MTRR: variants seen among roughly 807,000 people sequenced by gnomAD.
MTRR encodes 5-methyltetrahydrofolate-homocysteine methyltransferase reductase, also known as methionine synthase reductase.
A neutral mutation model predicts 79.2 loss-of-function variants in MTRR; 63 were observed. The observed-to-expected ratio is 0.80, with a 90% CI of 0.65 to 0.98. The LOEUF (loss-of-function observed/expected upper bound fraction) is 0.98, where lower values mean the gene tolerates loss of function less well. Among genes scored for constraint, MTRR ranks in the 50% least tolerant of loss-of-function variants. MTRR has a pLI of 0.00. For missense variants in MTRR, 895 were observed against 839.6 expected, an observed-to-expected ratio of 1.07 and a Z score of -0.82; for synonymous variants, 355 against 313.3, an observed-to-expected ratio of 1.13 and a Z score of -1.41.
upstream of MTRR, among the ~76,000 whole-genome samples, chr5:7,865,268 T>C (rs1476439132): frequency 6.6e-6 from 1 of 152,094 alleles, no homozygotes; most frequent in Non-Finnish European, 1.5e-5. Flanking sequence ...TAAGCTGTTT[T>C]AAAAAAGGGG....
intron 2 of MTRR, among the ~76,000 whole-genome samples, chr5:7,871,683 A>G (rs977682371): frequency 5.3e-5 from 8 of 152,140 alleles, no homozygotes; most frequent in Non-Finnish European, 1.0e-4. Flanking sequence ...CCAGTTCAGA[A>G]CACTAGACTG....
chr5:7,869,106 A>C (rs886060803), upstream of MTRR: 4 of 1,612,870 alleles, frequency 2.5e-6, no homozygotes, highest in Non-Finnish European at 3.4e-6. Flanking sequence ...TCCCCTTCGG[A>C]GCTTTCTATT....
chr5:7,883,412 A>G lies in MTRR; in HGVS notation c.903+135A>G, dbSNP rs1579704974. Reference sequence around the variant, plus strand: ...GCTGAGTTGTGTGCGGCTTGGTTACATGTGCTGAGTTGTGTGGTGCTTGGT... The same window carrying G: ...GCTGAGTTGTGTGCGGCTTGGTTACGTGTGCTGAGTTGTGTGGTGCTTGGT... On this transcript the variant is annotated intron_variant, in intron 6 of 14. Transcript: ENST00000440940. 36 of 1,154,668 alleles carry G rather than the reference A, an allele frequency of 3.1e-5. 1 individual carries two copies. In the East Asian group the frequency reaches 9.1e-4, roughly 29 times the overall value. 71.5% of individuals were successfully genotyped at this position (1,154,668 alleles called of 1,614,324 possible).
chr5:7,878,792 A>C (rs1735018004), intron 5 of MTRR, among the ~76,000 whole-genome samples: 1 of 152,220 alleles, frequency 6.6e-6, no homozygotes, highest in Non-Finnish European at 1.5e-5. Context: ...TTCTCCCCAC[A>C]GGCAGTGTAT....
In MTRR at chr5:7,900,204, A is replaced by G; in HGVS notation, c.*146A>G. On this transcript the variant is annotated 3_prime_UTR_variant, in exon 15 of 15. Transcript: ENST00000440940. ...CATGGAGTGGAGATTGGATCATTTAACAATATAACAAAACTTCCTGATTTG... is the reference window on the plus strand; with the variant it reads ...CATGGAGTGGAGATTGGATCATTTAGCAATATAACAAAACTTCCTGATTTG... 4.5e-6 allele frequency: 4 copies of G among 887,582 alleles called. No individual in the cohort carries two copies. Among genetic ancestry groups the G allele is most frequent in the Non-Finnish European group, 6.8e-6 (4 of 586,096 alleles). 55.0% of individuals were successfully genotyped at this position (887,582 alleles called of 1,614,324 possible). A position where few individuals can be genotyped will look rare whatever the true frequency, so the allele number is the denominator to read the frequency against.
At chr5:7,884,365 T>G (rs975163035) in intron 6 of MTRR, among the ~76,000 whole-genome samples, 2 of 152,182 alleles carry the variant, frequency 1.3e-5, no homozygotes, top group Non-Finnish European at 2.9e-5. Context: ...CTCAAGTCCC[T>G]TATGTAAAAT....
At chr5:7,870,153 C>A in intron 1 of MTRR, 3 of 798,672 alleles carry the variant, frequency 3.8e-6, no homozygotes, top group Non-Finnish European at 3.0e-6. Flanking sequence ...TTATATGCAC[C>A]CGTTTGTATA....
chr5:7,865,110 T>C (rs541545186), upstream of MTRR, among the ~76,000 whole-genome samples: 1 of 152,160 alleles, frequency 6.6e-6, no homozygotes, highest in East Asian at 1.9e-4. Context: ...GATTAGTGAG[T>C]CTCATTCCTT....
intron 11 of MTRR, among the ~76,000 whole-genome samples, chr5:7,894,516 A>T (rs761992558): frequency 6.6e-6 from 1 of 152,240 alleles, no homozygotes; most frequent in Non-Finnish European, 1.5e-5. Context: ...CAGAACGTAG[A>T]AAGTGTGCTG....
At chr5:7,892,239 G>A (rs943284341) in intron 10 of MTRR, among the ~76,000 whole-genome samples, 1 of 152,098 alleles carries the variant, frequency 6.6e-6, no homozygotes, top group Admixed American at 6.6e-5. Context: ...ATTATTTACC[G>A]TGTAATGTGA....
chr5:7,899,336 A>T (rs1337702408), intron 14 of MTRR, among the ~76,000 whole-genome samples: 1 of 152,080 alleles, frequency 6.6e-6, no homozygotes, highest in Non-Finnish European at 1.5e-5. Context: ...ATATAAACAG[A>T]CGTTTCTAAC....
rs536956046 is a variant in MTRR, at chr5:7,855,838, GC to G, written n.391+4254del. Among the ~76,000 whole-genome samples the G allele has an allele frequency of 2.0e-3, 307 of 152,258 alleles. 1 individual carries two copies. The highest frequency in any genetic ancestry group is 1.8e-3 in the Non-Finnish European group (120 of 68,008). On this transcript the variant is annotated intron_variant and non_coding_transcript_variant, in intron 1 of 3. Coordinates refer to the MTRR transcript ENST00000502509. ...CTGTGGGAGTGGGAGGGAGATGTTT[GC>G]TTTTTCTGGGATGGGATTACAAGTA...
intron 1 of MTRR, chr5:7,859,627 G>A (rs1344879246): frequency 1.0e-5 from 8 of 778,178 alleles, no homozygotes; most frequent in Admixed American, 3.0e-5. Context: ...TTTCTTACAC[G>A]CTTCCCCACA....
chr5:7,866,723 G>A (rs1746980889), upstream of MTRR: 5 of 1,613,596 alleles, frequency 3.1e-6, no homozygotes, highest in Non-Finnish European at 4.2e-6. Context: ...AAGTGAACAT[G>A]AATGAAGAAG....
chr5:7,858,039 T>C (rs770917561), intron 1 of MTRR, among the ~76,000 whole-genome samples: 37 of 152,224 alleles, frequency 2.4e-4, no homozygotes, highest in Non-Finnish European at 4.1e-4. Context: ...AGTCCCTTTC[T>C]GCTCCTTAAA....
upstream of MTRR, chr5:7,868,098 A>C: frequency 3.9e-6 from 6 of 1,542,656 alleles, no homozygotes; most frequent in East Asian, 2.3e-5. Context: ...TCAGATTCTC[A>C]ATTTGATAAC....
At chr5:7,895,352 C>T (rs1738320405) in intron 11 of MTRR, among the ~76,000 whole-genome samples, 1 of 152,102 alleles carries the variant, frequency 6.6e-6, no homozygotes, top group South Asian at 2.1e-4. Context: ...TCAACCTCAT[C>T]GTGATGCTAA....
At chr5:7,880,533 C>G (rs1479440403) in intron 5 of MTRR, among the ~76,000 whole-genome samples, 1 of 152,172 alleles carries the variant, frequency 6.6e-6, no homozygotes, top group African/African-American at 2.4e-5. Flanking sequence ...GTGGTTTTTG[C>G]AGTGGTCAAA....
At chr5:7,893,132 A>T (rs2126795364) in intron 11 of MTRR, 1 of 594,124 alleles carries the variant, frequency 1.7e-6, no homozygotes, top group South Asian at 2.0e-5. Context: ...CATGAATTTT[A>T]TATAGTACGG....
Sources: gnomAD v4.1 joint callset for allele counts (sites outside exome capture counted in the v4.1 genomes callset) on GRCh38, gnomAD v4.1.1 for gene constraint, MANE v1.5 for transcripts, NCBI Gene and HGNC (gene_info 2026-07-23, HGNC 2026-07-21) for gene names.